Variants in BCR observed in about 807,000 individuals in gnomAD.
BCR encodes the protein breakpoint cluster region protein.
In BCR, 58 loss-of-function variants were observed where a neutral mutation model predicts 138.6. That is an observed-to-expected ratio of 0.42 (90% CI 0.34 to 0.52). The LOEUF is 0.52. BCR is among the 20% of genes least tolerant of loss of function. BCR has a pLI of 0.06. For synonymous variants in BCR, 786 were observed against 730.1 expected (o/e 1.08, Z -1.23); for missense variants, 1,599 against 1,727.2 (o/e 0.93, Z 1.32).
intron 15 of BCR, 30 bp downstream of exon 15, chr22:23,292,668 C>A: frequency 1.3e-6 from 2 of 1,564,338 alleles, no homozygotes; most frequent in Non-Finnish European, 1.8e-6. Context: ...AGGGCCCAGC[C>A]TGCCAGGTGG....
chr22:23,303,526 T>C (rs189469677), intron 16 of BCR, among the ~76,000 whole-genome samples: 2 of 152,288 alleles, frequency 1.3e-5, no homozygotes, highest in East Asian at 1.9e-4. Flanking sequence ...GAGGCACCAA[T>C]AGGAGAGAAA....
intron 4 of BCR, among the ~76,000 whole-genome samples, chr22:23,266,775 G>A (rs758127906): frequency 6.6e-6 from 1 of 152,248 alleles, no homozygotes; most frequent in African/African-American, 2.4e-5. Flanking sequence ...CACCACAGCA[G>A]CGAGGCTGTG....
intron 1 of BCR, among the ~76,000 whole-genome samples, chr22:23,207,010 A>C (rs1489213525): frequency 7.3e-6 from 1 of 136,902 alleles, no homozygotes; most frequent in African/African-American, 2.8e-5. Flanking sequence ...CATCCAGCCA[A>C]CCATCCATCC....
rs73878669 is a variant in BCR at position 23,254,903 on chromosome 22, C to G, written c.1461+923C>G. ...CATAGCCTGGCATGGTGGCTCACAC[C>G]TATAATCCCAGCGACTCAGGAGGCT... On this transcript the variant is annotated intron_variant, in intron 2 of 22. Coordinates refer to ENST00000305877, the MANE Select transcript of BCR (RefSeq NM_004327.4). 5.0e-3 allele frequency among the ~76,000 whole-genome samples: 758 copies of G among 152,240 alleles called. 7 individuals are homozygous for G. The highest frequency in any genetic ancestry group is 0.017 in the African/African-American group (723 of 41,514).
At chr22:23,275,944 G>T (rs571988815) in intron 8 of BCR, among the ~76,000 whole-genome samples, 1 of 152,114 alleles carries the variant, frequency 6.6e-6, no homozygotes, top group Non-Finnish European at 1.5e-5. Flanking sequence ...CTCAGTGCTC[G>T]GATCATTGGA....
At chr22:23,216,425 GAAAC>G (rs1342587037) in intron 1 of BCR, among the ~76,000 whole-genome samples, 10 of 152,160 alleles carry the variant, frequency 6.6e-5, no homozygotes, top group African/African-American at 2.2e-4. Flanking sequence ...TGGAAAGCTG[GAAAC>G]AAACTGAGCA....
intron 1 of BCR, among the ~76,000 whole-genome samples, chr22:23,184,072 C>T (rs1177664322): frequency 1.3e-5 from 2 of 152,204 alleles, no homozygotes; most frequent in East Asian, 1.9e-4. Flanking sequence ...TTTATTTTTT[C>T]CCCCTTAAAT....
intron 8 of BCR, among the ~76,000 whole-genome samples, chr22:23,279,421 T>C (rs1171029079): frequency 1.3e-5 from 2 of 152,164 alleles, no homozygotes; most frequent in Non-Finnish European, 2.9e-5. Context: ...TTGCTCCTGG[T>C]CCCACTGCCA....
At chr22:23,244,386 C>T (rs2073131410) in intron 1 of BCR, among the ~76,000 whole-genome samples, 1 of 152,190 alleles carries the variant, frequency 6.6e-6, no homozygotes, top group Admixed American at 6.5e-5. Flanking sequence ...TTTGGGGGCC[C>T]ACTACAGTGG....
chr22:23,233,813 G>GAA lies in BCR; in HGVS notation c.1280-19976_1280-19975dup, dbSNP rs59148522. 2.5e-3 allele frequency among the ~76,000 whole-genome samples: 357 copies of GAA among 142,828 alleles called. 4 individuals are homozygous for GAA. The highest frequency in any genetic ancestry group is 8.8e-3 in the African/African-American group (340 of 38,742). 93.7% of individuals were successfully genotyped at this position (142,828 alleles called of 152,430 possible). On this transcript the variant is annotated intron_variant, in intron 1 of 22. Transcript: ENST00000305877. ...TCAAAAAAAAAAAAAAGAAAAAAAA[G>GAA]AAAAAAAAAAAGAAGAACATGGTGA...
chr22:23,275,502 C>T (rs1464709871), intron 8 of BCR, among the ~76,000 whole-genome samples: 2 of 152,220 alleles, frequency 1.3e-5, no homozygotes, highest in African/African-American at 4.8e-5. Flanking sequence ...TCCCCGGCAC[C>T]TTCCAGTGGA....
intron 8 of BCR, among the ~76,000 whole-genome samples, chr22:23,281,538 A>G (rs1004821536): frequency 2.0e-5 from 3 of 152,196 alleles, no homozygotes; most frequent in Non-Finnish European, 4.4e-5. Context: ...TGGGCCTCCC[A>G]GCCATGTGCT....
intron 1 of BCR, among the ~76,000 whole-genome samples, chr22:23,253,436 C>T (rs1021681855): frequency 2.0e-5 from 3 of 152,212 alleles, no homozygotes; most frequent in African/African-American, 7.2e-5. Context: ...CTGTCATTTA[C>T]TAGCACACAT....
intron 1 of BCR, among the ~76,000 whole-genome samples, chr22:23,249,744 G>A (rs549840130): frequency 1.1e-4 from 17 of 152,308 alleles, no homozygotes; most frequent in African/African-American, 3.9e-4. Context: ...TTGCCTTGGA[G>A]CAGACTGGAA....
chr22:23,289,421 C>G (rs939105874), intron 12 of BCR, 96 bp from the exon 13 acceptor site: 7 of 1,050,462 alleles, frequency 6.7e-6, no homozygotes, highest in South Asian at 1.5e-5. Context: ...CTTGCCGTGC[C>G]CCTTCCCCAG....
intron 6 of BCR, among the ~76,000 whole-genome samples, chr22:23,272,381 T>C (rs1437892747): frequency 6.6e-6 from 1 of 152,212 alleles, no homozygotes; most frequent in Non-Finnish European, 1.5e-5. Context: ...ATGAGTGCCT[T>C]ATGCTGGTTG....
intron 1 of BCR, among the ~76,000 whole-genome samples, chr22:23,239,862 A>T (rs1407075766): frequency 6.1e-5 from 9 of 148,632 alleles, no homozygotes. Context: ...CTCCAGTCCC[A>T]GGCTGCAGTG....
chr22:23,274,166 C>G (rs972179044), intron 8 of BCR, among the ~76,000 whole-genome samples: 1 of 152,178 alleles, frequency 6.6e-6, no homozygotes, highest in South Asian at 2.1e-4. Flanking sequence ...CCTCCTACTT[C>G]CCCCTGAGTG....
At chr22:23,283,608 A>G (rs777180255) in intron 8 of BCR, 42 of 175,534 alleles carry the variant, frequency 2.4e-4, no homozygotes, top group Non-Finnish European at 3.9e-4. Flanking sequence ...TTCCCTGTTT[A>G]AAGAGGGTCC....
Sources: allele counts gnomAD v4.1 joint callset (sites outside exome capture counted in the v4.1 genomes callset), GRCh38; gene constraint gnomAD v4.1.1; transcripts MANE v1.5; gene names NCBI Gene and HGNC (gene_info 2026-07-23, HGNC 2026-07-21).